The following TBL1X variants were observed in gnomAD, a reference collection of about 807,000 sequenced individuals.
TBL1X encodes transducin beta like 1 X-linked, also known as F-box-like/WD repeat-containing protein TBL1X.
TBL1X carries 10 observed loss-of-function variants against 50.7 expected under a neutral mutation model. The ratio of observed to expected loss-of-function variants is 0.20; its 90% CI spans 0.12 to 0.33. The LOEUF (loss-of-function observed/expected upper bound fraction) is 0.33, where lower values mean the gene tolerates loss of function less well. TBL1X is among the 10% of genes least tolerant of loss of function. The pLI, the probability that TBL1X is intolerant of heterozygous loss-of-function variation, is 1.00. For missense variants in TBL1X, 340 were observed against 504.4 expected, an observed-to-expected ratio of 0.67 and a Z score of 3.12; for synonymous variants, 190 against 214.7, an observed-to-expected ratio of 0.88 and a Z score of 1.01.
chrX:9,527,767 C>G (rs926510675), intron 2 of TBL1X, among the ~76,000 whole-genome samples: 3 of 110,347 alleles, frequency 2.7e-5, no homozygotes, highest in African/African-American at 6.6e-5. Flanking sequence ...TCACACTGTT[C>G]CGCCACCATC....
chrX:9,654,562 G>A lies in TBL1X; in HGVS notation c.211+240G>A, dbSNP rs754762225. Among the ~76,000 whole-genome samples the A allele has an allele frequency of 5.4e-5, 6 of 111,594 alleles. No homozygotes were observed. The South Asian group carries it at 1.5e-3, about 28-fold the overall frequency. On this transcript the variant is annotated intron_variant, in intron 5 of 17. Coordinates refer to ENST00000645353, the MANE Select transcript of TBL1X (RefSeq NM_005647.4). ...GATGAATCAGGCAGGAATCAAGAGCGGTTGTGGTGAATGTGGAAAGGACGG... is the reference window on the plus strand; with the variant it reads ...GATGAATCAGGCAGGAATCAAGAGCAGTTGTGGTGAATGTGGAAAGGACGG...
intron 2 of TBL1X, among the ~76,000 whole-genome samples, chrX:9,569,323 GTGT>G (rs774134914): frequency 1.7e-4 from 10 of 58,853 alleles, no homozygotes; most frequent in African/African-American, 5.7e-4. Flanking sequence ...TGTGCTGTGT[GTGT>G]TGTGTCTATC....
chrX:9,693,102 C>T (rs373758454), intron 9 of TBL1X, 47 bp from the exon 10 acceptor site: 21 of 1,195,997 alleles, frequency 1.8e-5, no homozygotes, highest in Admixed American at 6.6e-5. Context: ...TCGGTGCTGC[C>T]GCTCCTAAGT....
intron 1 of TBL1X, 70 bp downstream of exon 1, chrX:9,465,517 T>A (rs2081766215): frequency 9.0e-6 from 1 of 111,448 alleles, no homozygotes; most frequent in African/African-American, 3.2e-5. Flanking sequence ...GGTCCCGCGC[T>A]GACCCTCCAG....
At chrX:9,628,549 C>A (rs1474374967) in intron 2 of TBL1X, among the ~76,000 whole-genome samples, 7 of 75,065 alleles carry the variant, frequency 9.3e-5, no homozygotes, top group African/African-American at 3.1e-4. Flanking sequence ...TTTTCTTTTT[C>A]TTTTCTTTTT....
At position 9,585,607 on chromosome X, in the gene TBL1X, G is replaced by A. The variant is rs139433726; in HGVS notation, c.-130-54666G>A. 3.1e-3 allele frequency among the ~76,000 whole-genome samples: 340 copies of A among 110,774 alleles called. 1 individual carries two copies. Among genetic ancestry groups the A allele is most frequent in the African/African-American group, 0.011 (321 of 30,455 alleles). Reference sequence around the variant, plus strand: ...GAGTGCCACAGACTGGTGGCTTACCGTATAGAAACAAATGCTCTGCAGCTC... The same window carrying A: ...GAGTGCCACAGACTGGTGGCTTACCATATAGAAACAAATGCTCTGCAGCTC... On this transcript the variant is annotated intron_variant, in intron 2 of 17. Coordinates refer to ENST00000645353, the MANE Select transcript of TBL1X (RefSeq NM_005647.4).
chrX:9,697,312 C>A, intron 11 of TBL1X, 57 bp from the exon 12 acceptor site: 1 of 1,190,435 alleles, frequency 8.4e-7, no homozygotes, highest in Admixed American at 2.3e-5. Flanking sequence ...ATAAATGTTT[C>A]CAGAGAAAAC....
At chrX:9,569,953 T>A (rs1227615066) in intron 2 of TBL1X, among the ~76,000 whole-genome samples, 1 of 112,259 alleles carries the variant, frequency 8.9e-6, no homozygotes, top group Non-Finnish European at 1.9e-5. Flanking sequence ...CCAGGAAGGC[T>A]ATTTGGCAGG....
chrX:9,583,437 T>C (rs1296539996), intron 2 of TBL1X, among the ~76,000 whole-genome samples: 1 of 112,624 alleles, frequency 8.9e-6, no homozygotes, highest in African/African-American at 3.2e-5. Flanking sequence ...TTAATCCTGT[T>C]TCTTTCGTGC....
chrX:9,713,600 G>T (rs1255100382), intron 16 of TBL1X, among the ~76,000 whole-genome samples: 1 of 108,576 alleles, frequency 9.2e-6, no homozygotes, highest in Non-Finnish European at 1.9e-5. Flanking sequence ...GCTAACTTTT[G>T]TATTTTTAGT....
At chrX:9,495,942 GA>G (rs1300024500) in intron 1 of TBL1X, among the ~76,000 whole-genome samples, 8 of 112,541 alleles carry the variant, frequency 7.1e-5, no homozygotes, top group Non-Finnish European at 1.3e-4. Context: ...GAATGACCAT[GA>G]AAGCGCTGCA....
At chrX:9,568,030 C>T (rs996377535) in intron 2 of TBL1X, among the ~76,000 whole-genome samples, 1 of 111,910 alleles carries the variant, frequency 8.9e-6, no homozygotes, top group Non-Finnish European at 1.9e-5. Context: ...TGGCACGCTG[C>T]GTTGATTGGC....
chrX:9,626,748 G>A lies in TBL1X; in HGVS notation c.-130-13525G>A, dbSNP rs2238871. 5.6e-4 allele frequency among the ~76,000 whole-genome samples: 63 copies of A among 112,024 alleles called. 1 individual carries two copies. In the East Asian group the frequency reaches 0.017, roughly 29 times the overall value. On this transcript the variant is annotated intron_variant, in intron 2 of 17. Transcript: ENST00000645353. Reference sequence around the variant, plus strand: ...AAGAAAACCTCACTATTTAGCCATCGTGTCAGAGAGAGCCAAACTACATGT... The same window carrying A: ...AAGAAAACCTCACTATTTAGCCATCATGTCAGAGAGAGCCAAACTACATGT...
chrX:9,706,608 CAGCTGACTT>C (rs1165130507), intron 13 of TBL1X, among the ~76,000 whole-genome samples: 1 of 111,698 alleles, frequency 9.0e-6, no homozygotes, highest in Non-Finnish European at 1.9e-5. Context: ...ATGGGAACAA[CAGCTGACTT>C]AGCAAATTCC....
At chrX:9,607,442 G>A (rs959190362) in intron 2 of TBL1X, among the ~76,000 whole-genome samples, 2 of 111,039 alleles carry the variant, frequency 1.8e-5, no homozygotes, top group Admixed American at 1.9e-4. Flanking sequence ...TGCATCGCCT[G>A]GAAACAAGGC....
chrX:9,567,405 GA>G (rs1190783527), intron 2 of TBL1X, among the ~76,000 whole-genome samples: 1 of 111,170 alleles, frequency 9.0e-6, no homozygotes, highest in African/African-American at 3.3e-5. Context: ...CCAGAAGAGT[GA>G]AATTGGCCCG....
chrX:9,716,202 C>G lies in TBL1X; in HGVS notation c.1708-18C>G. The G allele has an allele frequency of 8.3e-7, 1 of 1,209,987 alleles. No individual in the cohort carries two copies. The highest frequency in any genetic ancestry group is 1.1e-6 in the Non-Finnish European group (1 of 894,122). ...GTATTGTCTCTCAAGATGACAGGTG[C>G]TTTATCTTTCCTTCCAGGTGTGTGT... On this transcript the variant is annotated intron_variant, in intron 17 of 17. Coordinates refer to ENST00000645353, the MANE Select transcript of TBL1X (RefSeq NM_005647.4).
intron 2 of TBL1X, among the ~76,000 whole-genome samples, chrX:9,593,405 AAATAAT>A (rs201782729): frequency 2.0e-5 from 2 of 102,142 alleles, no homozygotes; most frequent in Non-Finnish European, 4.0e-5. Flanking sequence ...TCCATCTTAA[AAATAAT>A]AATAATAATA....
chrX:9,518,553 G>A (rs752403563), intron 2 of TBL1X, among the ~76,000 whole-genome samples: 163 of 112,054 alleles, frequency 1.5e-3, no homozygotes, highest in African/African-American at 5.1e-3. Flanking sequence ...TTATACCTCA[G>A]GATTGGAAGG....
Sources: gnomAD v4.1 joint callset for allele counts (sites outside exome capture counted in the v4.1 genomes callset) on GRCh38, gnomAD v4.1.1 for gene constraint, MANE v1.5 for transcripts, NCBI Gene and HGNC (gene_info 2026-07-23, HGNC 2026-07-21) for gene names.